The following FNTB variants were observed in gnomAD, a reference collection of about 807,000 sequenced individuals.
FNTB encodes the protein farnesyltransferase, CAAX box, subunit beta.
In FNTB, 27 loss-of-function variants were observed where a neutral mutation model predicts 59.4. That is an observed-to-expected ratio of 0.45 (90% CI 0.34 to 0.63). FNTB has a LOEUF of 0.63. Ranked by LOEUF, FNTB falls within the 20% of genes least tolerant of loss-of-function variation. FNTB has a pLI of 0.02. For missense variants in FNTB, 449 were observed against 559.6 expected (o/e 0.80, Z 1.99); for synonymous variants, 230 against 220.7 (o/e 1.04, Z -0.37).
In FNTB at chr14:65,012,343, T is replaced by A; in HGVS notation, c.236T>A (p.Phe79Tyr). Residue 79 changes from phenylalanine to tyrosine, a missense_variant, in exon 3 of 12, where the codon TTC becomes TAC. This residue lies in a region of FNTB where 337 missense variants were observed against 479.1 expected (regional missense o/e 0.70). Transcript: ENST00000246166. This position sits in a 1 kb window ranked among gnomAD's most constrained non-coding sequence, Gnocchi z 5.0. ...PRLVLQREKHFHYLKRGLRQL... is the reference protein window; with the variant it reads ...PRLVLQREKHYHYLKRGLRQL... ...CTTGTTTTGCAGAGGGAGAAGCACT[T>A]CCATTATCTGAAAAGAGGCCTTCGA... is the stretch of plus-strand genomic sequence containing the variant. 1 of 1,614,180 alleles carries A rather than the reference T, an allele frequency of 6.2e-7. No homozygotes were observed. The highest frequency in any genetic ancestry group is 8.5e-7 in the Non-Finnish European group (1 of 1,180,000).
Position 65,040,802 on chromosome 14 carries a change from G to A in FNTB, c.705G>A (p.Trp235Ter). 3 of 1,613,142 alleles carry A rather than the reference G, an allele frequency of 1.9e-6. No individual in the cohort carries two copies. Among genetic ancestry groups the A allele is most frequent in the Non-Finnish European group, 2.5e-6 (3 of 1,179,910 alleles). The change falls in exon 8 of 12, where the codon TGG (tryptophan) becomes TGA (stop). Residue 235 changes from tryptophan to a stop codon, truncating the protein, a stop_gained. Transcript: ENST00000246166. LOFTEE classifies it high-confidence loss of function. Reference sequence around the variant, plus strand: ...AATCTCTTCTTAGGTGTCAGAACTGGGAAGGTGGCATTGGCGGGGTACCAG... The same window carrying A: ...AATCTCTTCTTAGGTGTCAGAACTGAGAAGGTGGCATTGGCGGGGTACCAG... ...TAEWIARCQN[W>*]EGGIGGVPGM...
At chr14:65,020,239 A>G (rs2061859636) in intron 4 of FNTB, among the ~76,000 whole-genome samples, 2 of 152,328 alleles carry the variant, frequency 1.3e-5, no homozygotes, top group South Asian at 4.1e-4. Context: ...TACTGCTGGT[A>G]TCAGAGGTTT....
rs758909884 is a variant in FNTB, at chr14:65,032,583, A to G, written c.606-27A>G. 20 of 1,611,248 alleles carry G rather than the reference A, an allele frequency of 1.2e-5. 1 individual carries two copies. In the East Asian group the frequency reaches 2.7e-4, roughly 22 times the overall value. ...CTCATTAGCTCTTCCGTAGAGCTTAATGTGTTTCCCGTTTCTGTCTTTCCA... is the reference window on the plus strand; with the variant it reads ...CTCATTAGCTCTTCCGTAGAGCTTAGTGTGTTTCCCGTTTCTGTCTTTCCA... On this transcript the variant is annotated intron_variant, in intron 6 of 11. Coordinates refer to ENST00000246166, the MANE Select transcript of FNTB (RefSeq NM_002028.4). The surrounding 1 kb of genome is among the most constrained non-coding windows in gnomAD (Gnocchi z 5.0).
rs1374662968 is a variant in FNTB at position 65,014,266 on chromosome 14, A to G, written c.283-1359A>G. Among the ~76,000 whole-genome samples the G allele has an allele frequency of 2.6e-5, 4 of 152,184 alleles. No homozygotes were observed. Among genetic ancestry groups the G allele is most frequent in the Non-Finnish European group, 5.9e-5 (4 of 68,038 alleles). On this transcript the variant is annotated intron_variant, in intron 3 of 11. Transcript: ENST00000246166. The surrounding 1 kb of genome is among the most constrained non-coding windows in gnomAD (Gnocchi z 5.1). Reference sequence around the variant, plus strand: ...TACCCTGCCTAGCCTTGAATGCTCAATAATCATTTATGGTTTAATTAGGAT... The same window carrying G: ...TACCCTGCCTAGCCTTGAATGCTCAGTAATCATTTATGGTTTAATTAGGAT...
chr14:65,043,975 T>C (rs1305227439), intron 8 of FNTB, among the ~76,000 whole-genome samples: 1 of 152,106 alleles, frequency 6.6e-6, no homozygotes, highest in African/African-American at 2.4e-5. Context: ...AAGCCATGTT[T>C]ATTAAGAGAC....
intron 4 of FNTB, among the ~76,000 whole-genome samples, chr14:65,022,718 C>G (rs2061911812): frequency 6.6e-6 from 1 of 151,706 alleles, no homozygotes; most frequent in Non-Finnish European, 1.5e-5. Context: ...CATGTGAATT[C>G]CCTTTGAGGT....
Position 64,988,974 on chromosome 14 carries a change from C to A in FNTB, c.144+1877C>A, listed in dbSNP as rs532024332. ...TCTCCATATGTGGTATCATTCAATC[C>A]TTTCACTTTTTATGGATGAGAAGAC... is the stretch of plus-strand genomic sequence containing the variant. On this transcript the variant is annotated intron_variant, in intron 1 of 11. Coordinates refer to ENST00000246166, the MANE Select transcript of FNTB (RefSeq NM_002028.4). Among the ~76,000 whole-genome samples the A allele has an allele frequency of 5.9e-5, 9 of 152,064 alleles. 1 individual carries two copies. Among genetic ancestry groups the A allele is most frequent in the Middle Eastern group, 3.4e-3 (1 of 294 alleles).
At chr14:65,051,731 T>G (rs2062615976) in intron 9 of FNTB, among the ~76,000 whole-genome samples, 2 of 152,238 alleles carry the variant, frequency 1.3e-5, no homozygotes, top group South Asian at 4.1e-4. Flanking sequence ...TTTTTCTTTT[T>G]TGCTATTTTC....
intron 9 of FNTB, among the ~76,000 whole-genome samples, chr14:65,046,470 G>A (rs574611952): frequency 6.6e-6 from 1 of 152,334 alleles, no homozygotes; most frequent in Admixed American, 6.5e-5. Flanking sequence ...AGTCTTCCAG[G>A]GGGGCTGCTG....
chr14:64,987,482 C>G (rs968931865), intron 1 of FNTB: 1 of 226,034 alleles, frequency 4.4e-6, no homozygotes, highest in Non-Finnish European at 9.1e-6. Flanking sequence ...AACCTGCCCT[C>G]AGCTTCTGGA....
intron 11 of FNTB, among the ~76,000 whole-genome samples, chr14:65,055,927 C>T (rs186954093): frequency 2.6e-4 from 39 of 152,296 alleles, no homozygotes; most frequent in African/African-American, 9.1e-4. Flanking sequence ...AACCACCACC[C>T]AGCTTTTCCA....
intron 2 of FNTB, among the ~76,000 whole-genome samples, chr14:65,008,348 C>T (rs1357461014): frequency 6.6e-6 from 1 of 152,220 alleles, no homozygotes; most frequent in Non-Finnish European, 1.5e-5. Flanking sequence ...GTGATCCTCT[C>T]TTTCAGCAGC....
intron 2 of FNTB, among the ~76,000 whole-genome samples, chr14:65,010,521 A>G (rs1184819784): frequency 6.6e-6 from 1 of 152,214 alleles, no homozygotes; most frequent in Non-Finnish European, 1.5e-5. Context: ...AGTAGCCCCA[A>G]CTGGGTCAGC....
At chr14:65,016,426 C>G (rs1013657431) in intron 4 of FNTB, 1 of 152,248 alleles carries the variant, frequency 6.6e-6, no homozygotes, top group African/African-American at 2.4e-5. Flanking sequence ...TCCAAGAGAT[C>G]CACTGAGAGG....
In FNTB at chr14:65,061,259, C is replaced by G. The variant is rs150971983; in HGVS notation, c.1261C>G (p.Pro421Ala). Residue 421 changes from proline to alanine, a missense_variant, in exon 12 of 12, where the codon CCA (proline) becomes GCA (alanine). Transcript: ENST00000246166. The part of the protein sequence containing the change: ...ATTYFLQKPV[P>A]GFEELKDETS... ...TACATACTTTCTACAGAAGCCAGTC[C>G]CAGGTTTTGAGGAGCTTAAGGATGA... 1 of 1,614,138 alleles carries G rather than the reference C, an allele frequency of 6.2e-7. No individual in the cohort carries two copies. The highest frequency in any genetic ancestry group is 8.5e-7 in the Non-Finnish European group (1 of 1,180,032).
intron 11 of FNTB, among the ~76,000 whole-genome samples, chr14:65,055,468 C>T (rs538583445): frequency 9.2e-5 from 14 of 152,066 alleles, no homozygotes; most frequent in Non-Finnish European, 2.1e-4. Context: ...ATTTTCTCAT[C>T]TGTGTCATTG....
rs955397720 is a variant in FNTB, at chr14:64,991,991, G to A, written c.144+4894G>A. On this transcript the variant is annotated intron_variant, in intron 1 of 11. Transcript: ENST00000246166. The surrounding 1 kb of genome is among the most constrained non-coding windows in gnomAD (Gnocchi z 4.4). The stretch of plus-strand genomic sequence containing the variant: ...CCACATATCCTAAGGAGGGACCAGC[G>A]GAACAGAATCCTGACCTGCTGTTGA... Among the ~76,000 whole-genome samples, 4 of 152,146 alleles carry A rather than the reference G, an allele frequency of 2.6e-5. No homozygotes were observed. The highest frequency in any genetic ancestry group is 7.2e-5 in the African/African-American group (3 of 41,414).
At position 64,986,992 on chromosome 14, in the gene FNTB, A is replaced by C. The variant is rs908171354; in HGVS notation, c.39A>C (p.Pro13=). 34 of 1,613,968 alleles carry C rather than the reference A, an allele frequency of 2.1e-5. No individual in the cohort carries two copies. Among genetic ancestry groups the C allele is most frequent in the Non-Finnish European group, 2.7e-5 (32 of 1,180,038 alleles). Residue 13 remains proline, a synonymous_variant, in exon 1 of 12, where the codon CCA becomes CCC. Transcript: ENST00000246166. Reference sequence around the variant, plus strand: ...GTTCTTTCACCTACTATTGCCCTCCATCTTCCTCCCCCGTCTGGTCAGAGC... The same window carrying C: ...GTTCTTTCACCTACTATTGCCCTCCCTCTTCCTCCCCCGTCTGGTCAGAGC... The part of the protein sequence containing the change: ...SPSSFTYYCP[P]SSSPVWSEPL...
chr14:65,000,605 G>A (rs1888556194), intron 1 of FNTB, among the ~76,000 whole-genome samples: 1 of 151,898 alleles, frequency 6.6e-6, no homozygotes, highest in African/African-American at 2.4e-5. Context: ...CAGATCACGA[G>A]GTCAGGAGAT....
Sources: gnomAD v4.1 joint callset for allele counts (sites outside exome capture counted in the v4.1 genomes callset) on GRCh38, gnomAD v4.1.1 for gene constraint, gnomAD v4.1.1 regional missense constraint, Gnocchi (gnomAD v3.1) non-coding constraint, MANE v1.5 for transcripts, NCBI Gene and HGNC (gene_info 2026-07-23, HGNC 2026-07-21) for gene names.